Variants in GRM4 observed in about 807,000 individuals in gnomAD.
GRM4 encodes the protein metabotropic glutamate receptor 4.
GRM4 carries 28 observed loss-of-function variants against 81.7 expected under a neutral mutation model. The observed-to-expected ratio is 0.34, with a 90% CI of 0.25 to 0.47. The LOEUF (loss-of-function observed/expected upper bound fraction) is 0.47, where lower values mean the gene tolerates loss of function less well. Among genes scored for constraint, GRM4 ranks in the 20% least tolerant of loss-of-function variants. The pLI, the probability that GRM4 is intolerant of heterozygous loss-of-function variation, is 1.00. For missense variants in GRM4, 948 were observed against 1,290.0 expected, an observed-to-expected ratio of 0.73 and a Z score of 4.06; for synonymous variants, 488 against 528.8, an observed-to-expected ratio of 0.92 and a Z score of 1.06.
At chr6:34,140,177 G>A (rs1349069996) in intron 1 of GRM4, among the ~76,000 whole-genome samples, 1 of 152,220 alleles carries the variant, frequency 6.6e-6, no homozygotes, top group Admixed American at 6.5e-5. Flanking sequence ...TAAAAGCAGT[G>A]AAGGCATGAG....
In GRM4 at chr6:34,118,335, A is replaced by G. The variant is rs556636943; in HGVS notation, c.519+14643T>C. ...AAGGGCTGACCTGATTCCAGCCTGCAAAGCACCCATAGGCTCCTGCACTAA... is the reference window on the plus strand; with the variant it reads ...AAGGGCTGACCTGATTCCAGCCTGCGAAGCACCCATAGGCTCCTGCACTAA... On this transcript the variant is annotated intron_variant, in intron 2 of 10. Transcript: ENST00000538487. Among the ~76,000 whole-genome samples, 414 of 152,290 alleles carry G rather than the reference A, an allele frequency of 2.7e-3. 1 individual carries two copies. The highest frequency in any genetic ancestry group is 3.6e-3 in the Non-Finnish European group (246 of 68,008).
intron 5 of GRM4, among the ~76,000 whole-genome samples, chr6:34,057,629 T>G (rs1168717280): frequency 6.6e-6 from 1 of 152,218 alleles, no homozygotes; most frequent in African/African-American, 2.4e-5. Flanking sequence ...CTCCAGAAAT[T>G]GCCAAATATC....
intron 2 of GRM4, among the ~76,000 whole-genome samples, chr6:34,106,759 C>G (rs1769148115): frequency 6.6e-6 from 1 of 152,260 alleles, no homozygotes; most frequent in Non-Finnish European, 1.5e-5. Flanking sequence ...GCCTTGCTCA[C>G]TGCTAGAGCC....
At position 34,059,140 on chromosome 6, in the gene GRM4, TAC is replaced by T. The variant is rs756093238; in HGVS notation, c.873-14_873-13del. ...CCTCCAGCACACGCCTGTAGGAACA[TAC>T]ACCAGCCCAGCCCAGCCGCGTCTGT... On this transcript the variant is annotated splice_polypyrimidine_tract_variant and intron_variant, in intron 4 of 10. Coordinates refer to ENST00000538487, the MANE Select transcript of GRM4 (RefSeq NM_000841.4). This position sits in a 1 kb window ranked among gnomAD's most constrained non-coding sequence, Gnocchi z 5.7. 3.7e-6 allele frequency: 6 copies of T among 1,613,006 alleles called. No individual in the cohort carries two copies. The highest frequency in any genetic ancestry group is 5.1e-6 in the Non-Finnish European group (6 of 1,179,718).
At chr6:34,033,035 TC>T (rs1350731669) in intron 9 of GRM4, among the ~76,000 whole-genome samples, 4 of 152,124 alleles carry the variant, frequency 2.6e-5, no homozygotes, top group Non-Finnish European at 5.9e-5. Flanking sequence ...CCCTGCTGGC[TC>T]CATGGGGCCC....
chr6:34,056,714 A>C, intron 5 of GRM4, 30 bp from the exon 6 acceptor site: 1 of 1,602,884 alleles, frequency 6.2e-7, no homozygotes, highest in Non-Finnish European at 8.5e-7. Context: ...TCAGGGCCTC[A>C]CTGGCCTTCT....
intron 2 of GRM4, among the ~76,000 whole-genome samples, chr6:34,116,875 G>C (rs1280964274): frequency 1.3e-5 from 2 of 152,156 alleles, no homozygotes; most frequent in African/African-American, 4.8e-5. Flanking sequence ...CCAACCCCAG[G>C]GGGTTCTCAC....
chr6:34,145,311 C>T (rs1260536860), intron 1 of GRM4, among the ~76,000 whole-genome samples: 1 of 151,954 alleles, frequency 6.6e-6, no homozygotes, highest in Non-Finnish European at 1.5e-5. Context: ...CGCCGCCAAG[C>T]GCGCGGCGTT....
intron 9 of GRM4, among the ~76,000 whole-genome samples, chr6:34,033,701 CTCTT>C (rs953444735): frequency 6.7e-6 from 1 of 149,090 alleles, no homozygotes; most frequent in Non-Finnish European, 1.5e-5. Flanking sequence ...CTCTCTCTTT[CTCTT>C]TCTTTCTCTC....
rs542756020 is a variant in GRM4, at chr6:34,152,702, G to A, written c.312+2377C>T. Among the ~76,000 whole-genome samples the A allele has an allele frequency of 3.3e-5, 5 of 152,190 alleles. No individual in the cohort carries two copies. Among genetic ancestry groups the A allele is most frequent in the Admixed American group, 6.5e-5 (1 of 15,280 alleles). ...AATGGCGTTTGATTGGATCCGATGCGCTTTTAATTCCCTCCTGGGACATCA... is the reference window on the plus strand; with the variant it reads ...AATGGCGTTTGATTGGATCCGATGCACTTTTAATTCCCTCCTGGGACATCA... On this transcript the variant is annotated intron_variant, in intron 1 of 8. Transcript: ENST00000374177. This position sits in a 1 kb window ranked among gnomAD's most constrained non-coding sequence, Gnocchi z 4.1.
intron 2 of GRM4, chr6:34,110,512 T>A: frequency 2.3e-6 from 1 of 427,024 alleles, no homozygotes; most frequent in South Asian, 3.1e-5. Flanking sequence ...CAGTGCCCTC[T>A]GCCAACTGGG....
intron 2 of GRM4, among the ~76,000 whole-genome samples, chr6:34,126,961 T>C (rs1179497714): frequency 1.3e-5 from 2 of 152,250 alleles, no homozygotes; most frequent in Non-Finnish European, 2.9e-5. Flanking sequence ...TGTGTTCCCA[T>C]AAACCTTTAT....
intron 2 of GRM4, among the ~76,000 whole-genome samples, chr6:34,128,566 C>T (rs1471183006): frequency 6.6e-5 from 10 of 151,846 alleles, no homozygotes; most frequent in Admixed American, 3.9e-4. Context: ...TTAGTAGAGA[C>T]GGGGTTTTAC....
chr6:34,133,230 G>A lies in GRM4; in HGVS notation c.267C>T (p.Ile89=), dbSNP rs1770320082. The change falls in exon 2 of 11, where the codon ATC becomes ATT. Residue 89 remains isoleucine (I), a synonymous_variant. Coordinates refer to ENST00000538487, the MANE Select transcript of GRM4 (RefSeq NM_000841.4). The surrounding 1 kb of genome is among the most constrained non-coding windows in gnomAD (Gnocchi z 6.5). ...TAGGCAGCAGGTCCGGGTCGTTGTT[G>A]ATGCGATCCAGGGCGAACAGCATGG... is the stretch of plus-strand genomic sequence containing the variant. ...LEAMLFALDR[I]NNDPDLLPNI... is the part of the protein sequence containing the mutation. 1.2e-6 allele frequency: 2 copies of A among 1,614,086 alleles called. No individual in the cohort carries two copies. Among genetic ancestry groups the A allele is most frequent in the Non-Finnish European group, 8.5e-7 (1 of 1,180,022 alleles).
At chr6:34,044,727 CAG>C (rs1562021899) in intron 6 of GRM4, among the ~76,000 whole-genome samples, 39 of 140,330 alleles carry the variant, frequency 2.8e-4, no homozygotes, top group African/African-American at 6.0e-4. Context: ...CATACACACA[CAG>C]ACATACATAC....
chr6:34,135,783 G>A (rs919463960), intron 1 of GRM4, among the ~76,000 whole-genome samples: 3 of 152,242 alleles, frequency 2.0e-5, no homozygotes, highest in Non-Finnish European at 4.4e-5. Flanking sequence ...TAATTCAGAA[G>A]AGAGAAACCA....
chr6:34,033,752 T>C (rs1562011162), intron 9 of GRM4, among the ~76,000 whole-genome samples: 1 of 152,092 alleles, frequency 6.6e-6, no homozygotes, highest in Non-Finnish European at 1.5e-5. Flanking sequence ...CTTTTCTTTT[T>C]CATGAGATAG....
rs1480951838 is a variant in GRM4, at chr6:34,111,411, CAA to C, written c.520-19314_520-19313del. Among the ~76,000 whole-genome samples, 2 of 151,692 alleles carry C rather than the reference CAA, an allele frequency of 1.3e-5. No individual in the cohort carries two copies. Among genetic ancestry groups the C allele is most frequent in the African/African-American group, 4.9e-5 (2 of 41,192 alleles). On this transcript the variant is annotated intron_variant, in intron 2 of 10. Transcript: ENST00000538487. The surrounding 1 kb of genome is among the most constrained non-coding windows in gnomAD (Gnocchi z 5.1). ...GTGCACACACACACACACACACACA[CAA>C]ACACACACACATAGAGTCAGCACTG...
rs368139294 is a variant in GRM4, at chr6:34,069,080, C to T, written c.737-7052G>A. 2.6e-5 allele frequency among the ~76,000 whole-genome samples: 4 copies of T among 151,832 alleles called. No individual in the cohort carries two copies. The highest frequency in any genetic ancestry group is 9.7e-5 in the African/African-American group (4 of 41,388). ...GGGGAGTTACACACAGGGACAGGGG[C>T]AGGAGAGCAGGTCCCCCCGGCTCCC... On this transcript the variant is annotated intron_variant, in intron 3 of 10. Transcript: ENST00000538487. The surrounding 1 kb of genome is among the most constrained non-coding windows in gnomAD (Gnocchi z 6.4).
Sources: gnomAD v4.1 joint callset for allele counts (sites outside exome capture counted in the v4.1 genomes callset) on GRCh38, gnomAD v4.1.1 for gene constraint, Gnocchi (gnomAD v3.1) non-coding constraint, MANE v1.5 for transcripts, NCBI Gene and HGNC (gene_info 2026-07-23, HGNC 2026-07-21) for gene names.